SASH1: variants seen among roughly 807,000 people sequenced by gnomAD.
SASH1 encodes the protein SAM and SH3 domain-containing protein 1.
In SASH1, 44 loss-of-function variants were observed where a neutral mutation model predicts 125.2. The ratio of observed to expected loss-of-function variants is 0.35; its 90% CI spans 0.28 to 0.45. The LOEUF (loss-of-function observed/expected upper bound fraction) is 0.45. Ranked by LOEUF, SASH1 falls within the 20% of genes least tolerant of loss-of-function variation. The pLI is 1.00. For synonymous variants in SASH1, 639 were observed against 649.1 expected, an observed-to-expected ratio of 0.98 and a Z score of 0.24; for missense variants, 1,426 against 1,614.5, an observed-to-expected ratio of 0.88 and a Z score of 2.00.
chr6:148,549,446 G>T lies in SASH1; in HGVS notation c.*888G>T. On this transcript the variant is annotated 3_prime_UTR_variant, in exon 20 of 20. Transcript: ENST00000367467. ...GCGCGTGTGTGTCTGTATTCATAGTGACTGCTTTTGGTTTTAACCAGTTTA... is the reference window on the plus strand; with the variant it reads ...GCGCGTGTGTGTCTGTATTCATAGTTACTGCTTTTGGTTTTAACCAGTTTA... 2.5e-6 allele frequency: 1 copy of T among 394,884 alleles called. No individual in the cohort carries two copies. Among genetic ancestry groups the T allele is most frequent in the South Asian group, 1.4e-4 (1 of 7,210 alleles). The allele number at this position is 394,884 out of a possible 1,614,324, so 24.5% of individuals were successfully genotyped here.
At chr6:148,201,004 A>G in the SASH1 span, among the ~76,000 whole-genome samples, 2 of 152,176 alleles carry the variant, frequency 1.3e-5, no homozygotes, top group Non-Finnish European at 2.9e-5. Context: ...AGGAAGTTTC[A>G]GCCCTATCAC....
intron 1 of SASH1, among the ~76,000 whole-genome samples, chr6:148,279,331 G>T (rs1026479093): frequency 6.6e-6 from 1 of 152,244 alleles, no homozygotes; most frequent in Non-Finnish European, 1.5e-5. Flanking sequence ...AGGCCACCTG[G>T]CTACTTGGCA....
rs765335573 is a variant in SASH1 at position 148,440,353 on chromosome 6, C to T, written c.337-5C>T. ...CACACTGACTATACGAATCTTCTCT[C>T]GTAGGAGTCGCTTGGCTTCTGTAGC... On this transcript the variant is annotated splice_region_variant and splice_polypyrimidine_tract_variant and intron_variant, in intron 3 of 19. Coordinates refer to ENST00000367467, the MANE Select transcript of SASH1 (RefSeq NM_015278.5). 1.2e-5 allele frequency: 19 copies of T among 1,613,618 alleles called. No individual in the cohort carries two copies. In the East Asian group the frequency reaches 2.2e-4, roughly 19 times the overall value.
chr6:148,531,301 C>T (rs780681579), intron 12 of SASH1, among the ~76,000 whole-genome samples: 71 of 151,632 alleles, frequency 4.7e-4, no homozygotes, highest in African/African-American at 1.4e-3. Flanking sequence ...AATATCTATT[C>T]GAGAATGAGA....
chr6:148,319,018 T>C (rs1182901144), intron 1 of SASH1, among the ~76,000 whole-genome samples: 1 of 140,866 alleles, frequency 7.1e-6, no homozygotes, highest in Non-Finnish European at 1.5e-5. Context: ...GCCGCATTTA[T>C]CTTCTTTTTT....
upstream of SASH1, among the ~76,000 whole-genome samples, chr6:148,267,398 A>T (rs9485263): frequency 0.58 from 85,271 of 146,918 alleles, 25,211 homozygotes; most frequent in African/African-American, 0.67. Flanking sequence ...TGTGTGTGTG[A>T]GATGGAGTCT....
At chr6:148,320,549 A>C (rs1420427157) in intron 1 of SASH1, among the ~76,000 whole-genome samples, 5 of 152,226 alleles carry the variant, frequency 3.3e-5, no homozygotes, top group Non-Finnish European at 7.3e-5. Flanking sequence ...TACCATCCCA[A>C]AGAGGACATT....
chr6:148,376,384 G>C (rs1009817917), intron 1 of SASH1, among the ~76,000 whole-genome samples: 8 of 152,014 alleles, frequency 5.3e-5, no homozygotes, highest in Admixed American at 3.9e-4. Context: ...TTCTGACTTT[G>C]GAAAGACACT....
At chr6:148,535,717 A>G (rs1781802433) in intron 16 of SASH1, among the ~76,000 whole-genome samples, 1 of 152,184 alleles carries the variant, frequency 6.6e-6, no homozygotes, top group South Asian at 2.1e-4. Context: ...GCTCTGTATT[A>G]TTCAATCTGC....
chr6:148,344,804 G>A (rs1301331366), intron 1 of SASH1, among the ~76,000 whole-genome samples: 1 of 149,626 alleles, frequency 6.7e-6, no homozygotes, highest in African/African-American at 2.5e-5. Context: ...CGCCCAGGCT[G>A]GGGTGCAGTG....
chr6:148,341,105 C>T (rs553315950), upstream of SASH1, among the ~76,000 whole-genome samples: 2 of 152,040 alleles, frequency 1.3e-5, no homozygotes, highest in Admixed American at 1.3e-4. Flanking sequence ...ACTGCACTGC[C>T]GGGGTGAGAG....
chr6:148,377,359 C>A (rs1004512203), intron 1 of SASH1, among the ~76,000 whole-genome samples: 1 of 151,990 alleles, frequency 6.6e-6, no homozygotes, highest in Admixed American at 6.6e-5. Context: ...TCTAGATGGG[C>A]TATCTTTATT....
the SASH1 span, among the ~76,000 whole-genome samples, chr6:148,236,302 C>T: frequency 6.6e-6 from 1 of 152,034 alleles, no homozygotes; most frequent in Non-Finnish European, 1.5e-5. Flanking sequence ...GCAACCTCTG[C>T]CTCTGAGTTC....
chr6:148,299,777 TG>T (rs1263773698), intron 1 of SASH1, among the ~76,000 whole-genome samples: 1 of 152,050 alleles, frequency 6.6e-6, no homozygotes, highest in East Asian at 1.9e-4. Context: ...TAGGAGGGGC[TG>T]AGAAGCAAAC....
At chr6:148,243,048 G>C in the SASH1 span, among the ~76,000 whole-genome samples, 1 of 152,138 alleles carries the variant, frequency 6.6e-6, no homozygotes, top group Non-Finnish European at 1.5e-5. Context: ...AGGTACAGTG[G>C]CTCCCGCCTG....
rs1184277245 is a variant in SASH1 at position 148,543,955 on chromosome 6, C to T, written c.2485C>T (p.Gln829Ter). Residue 829 changes from glutamine to a stop codon, truncating the protein, a stop_gained, in exon 18 of 20, where the codon CAG (glutamine) becomes TAG (stop). Transcript: ENST00000367467. LOFTEE classifies it high-confidence loss of function. ...GAGCTGTGAGACCCTGGAGGGCCCC[C>T]AGACTGTGGACACTTGGCCCCGATC... ...CRSCETLEGP[Q>*]TVDTWPRSHS... is the part of the protein sequence containing the mutation. The T allele has an allele frequency of 6.2e-7, 1 of 1,614,076 alleles. No individual in the cohort carries two copies. Among genetic ancestry groups the T allele is most frequent in the Non-Finnish European group, 8.5e-7 (1 of 1,180,026 alleles).
intron 1 of SASH1, among the ~76,000 whole-genome samples, chr6:148,378,115 A>C (rs1182267926): frequency 1.4e-5 from 2 of 145,606 alleles, no homozygotes; most frequent in Non-Finnish European, 3.0e-5. Context: ...GCAGTGGCGC[A>C]ATCTTGGCTC....
chr6:148,366,508 G>T (rs754518580), intron 1 of SASH1, among the ~76,000 whole-genome samples: 1 of 152,184 alleles, frequency 6.6e-6, no homozygotes. Flanking sequence ...GCAATGTCTG[G>T]ATCCTGAGTA....
At chr6:148,538,940 G>T (rs1782047474) in intron 16 of SASH1, among the ~76,000 whole-genome samples, 1 of 152,218 alleles carries the variant, frequency 6.6e-6, no homozygotes, top group East Asian at 1.9e-4. Flanking sequence ...ATAATGCAAA[G>T]ATGTTCTGCG....
Sources: allele counts gnomAD v4.1 joint callset (sites outside exome capture counted in the v4.1 genomes callset), GRCh38; gene constraint gnomAD v4.1.1; transcripts MANE v1.5; gene names NCBI Gene and HGNC (gene_info 2026-07-23, HGNC 2026-07-21).